Variants in TCF25 observed in about 807,000 individuals in gnomAD.
The protein encoded by TCF25 is TCF25 ribosome quality control complex subunit, also known as ribosome quality control complex subunit TCF25.
In TCF25, 41 loss-of-function variants were observed where a neutral mutation model predicts 83.1. The ratio of observed to expected loss-of-function variants is 0.49; its 90% confidence interval spans 0.38 to 0.64. The LOEUF is 0.64. Ranked by LOEUF, TCF25 falls within the 30% of genes least tolerant of loss-of-function variation. The pLI, the probability that TCF25 is intolerant of heterozygous loss-of-function variation, is 0.00. For missense variants in TCF25, 979 were observed against 914.5 expected (o/e 1.07, Z -0.91); for synonymous variants, 458 against 365.0 (o/e 1.25, Z -2.90).
chr16:89,910,583 T>A lies in TCF25; in HGVS notation c.1800-8T>A, dbSNP rs1259847352. The A allele has an allele frequency of 2.6e-5, 42 of 1,613,534 alleles. No individual in the cohort carries two copies. The highest frequency in any genetic ancestry group is 3.4e-5 in the Non-Finnish European group (40 of 1,179,906). On this transcript the variant is annotated splice_region_variant and splice_polypyrimidine_tract_variant and intron_variant, in intron 16 of 17. Coordinates refer to ENST00000263346, the MANE Select transcript of TCF25 (RefSeq NM_014972.3). ...TGTCGTTTCTGACTTTTCTTGACTT[T>A]CTTTCAGGCTAAGTCCTATCAGCCA...
chr16:89,910,178 C>T, intron 16 of TCF25: 2 of 198,444 alleles, frequency 1.0e-5, no homozygotes, highest in South Asian at 1.8e-4. Flanking sequence ...GGGCCGGTAG[C>T]CCTTCGCACC....
At chr16:89,907,365 C>A in intron 16 of TCF25, 43 bp downstream of exon 16, 4 of 1,326,076 alleles carry the variant, frequency 3.0e-6, no homozygotes, top group East Asian at 5.1e-5. Flanking sequence ...CTCCCACCTC[C>A]CTCCTCCCAG....
Position 89,911,224 on chromosome 16 carries a change from G to A in TCF25, c.2017G>A (p.Gly673Arg). 1 of 1,612,456 alleles carries A rather than the reference G, an allele frequency of 6.2e-7. No homozygotes were observed. The highest frequency in any genetic ancestry group is 1.1e-5 in the South Asian group (1 of 91,052). ...GCACGAGGACGACGCTGAGGGGGAG[G>A]GGGAGTGGGACTGAGCGTCCGCAGA... The part of the protein sequence containing the change: ...APHEDDAEGE[G>R]EWD Residue 673 changes from glycine (G) to arginine (R), a missense_variant, in exon 18 of 18, where the codon GGG becomes AGG. Transcript: ENST00000263346.
rs775603598 is a variant in TCF25 at position 89,904,882 on chromosome 16, C to T, written c.1470-56C>T. The T allele has an allele frequency of 3.8e-6, 6 of 1,562,080 alleles. No homozygotes were observed. The East Asian group carries it at 7.1e-5, about 19-fold the overall frequency. On this transcript the variant is annotated intron_variant, in intron 13 of 17. Coordinates refer to ENST00000263346, the MANE Select transcript of TCF25 (RefSeq NM_014972.3). ...CCCATCCATGGGGCTCTGCCAGCCT[C>T]GAGGCAGGCTGTGGTCTGAAGAGGG...
chr16:89,906,040 C>T, intron 14 of TCF25, 154 bp from the exon 15 acceptor site: 1 of 675,128 alleles, frequency 1.5e-6, no homozygotes, highest in Non-Finnish European at 2.5e-6. Context: ...AGCCATGGTG[C>T]CTCTGCTCGA....
intron 2 of TCF25, among the ~76,000 whole-genome samples, chr16:89,884,360 G>A (rs1409888038): frequency 2.0e-5 from 3 of 152,168 alleles, no homozygotes; most frequent in African/African-American, 7.2e-5. Flanking sequence ...CTGTGAGGCT[G>A]GACACAGAAG....
In TCF25 at chr16:89,891,718, G is replaced by A. The variant is rs149355514; in HGVS notation, c.615-475G>A. Among the ~76,000 whole-genome samples the A allele has an allele frequency of 2.9e-3, 443 of 152,310 alleles. 1 individual carries two copies. The highest frequency in any genetic ancestry group is 0.01 in the African/African-American group (421 of 41,552). ...TTGAGTGATGGGCATGTGGATATTAGTACGTTGTTCTCTTTCTTTTCGTTT... is the reference window on the plus strand; with the variant it reads ...TTGAGTGATGGGCATGTGGATATTAATACGTTGTTCTCTTTCTTTTCGTTT... On this transcript the variant is annotated intron_variant, in intron 5 of 17. Transcript: ENST00000263346.
intron 6 of TCF25, 29 bp from the exon 7 acceptor site, chr16:89,893,699 C>T (rs767531757): frequency 1.2e-5 from 20 of 1,613,082 alleles, no homozygotes; most frequent in Non-Finnish European, 1.7e-5. Flanking sequence ...GCTCCCGGCA[C>T]ACCCTCCCTG....
rs765043795 is a variant in TCF25 at position 89,892,249 on chromosome 16, G to A, written c.671G>A (p.Ser224Asn). 1.1e-5 allele frequency: 18 copies of A among 1,612,782 alleles called. No individual in the cohort carries two copies. The Admixed American group carries it at 2.2e-4, about 19-fold the overall frequency. ...TGCACATGGCTGACCACCCCTAAAA[G>A]CACCTGGCCCCGCTACAGCAAACCA... ...PKCTWLTTPK[S>N]TWPRYSKPGL... Residue 224 changes from serine to asparagine, a missense_variant, in exon 6 of 18, where the codon AGC becomes AAC. Ser to Asn is a conservative substitution (Grantham distance 46). Transcript: ENST00000263346.
At position 89,892,415 on chromosome 16, in the gene TCF25, G is replaced by T. The variant is rs926191258; in HGVS notation, c.697+140G>T. The T allele has an allele frequency of 4.2e-6, 4 of 959,926 alleles. No homozygotes were observed. The African/African-American group carries it at 4.9e-5, about 12-fold the overall frequency. 59.5% of individuals were successfully genotyped at this position (959,926 alleles called of 1,614,324 possible). A position where few individuals can be genotyped will look rare whatever the true frequency, so the allele number is the denominator to read the frequency against. The stretch of plus-strand genomic sequence containing the variant: ...GCGGGGGGGTGTGTTCTGTGCACTG[G>T]CCTGCGCTGGGCACCAGGGGCGTCA... On this transcript the variant is annotated intron_variant, in intron 6 of 17. Transcript: ENST00000263346.
At chr16:89,898,330 G>A (rs2044033222) in intron 9 of TCF25, among the ~76,000 whole-genome samples, 1 of 149,942 alleles carries the variant, frequency 6.7e-6, no homozygotes. Context: ...GCTGACTGGG[G>A]CGCTGAGCAG....
At chr16:89,896,300 C>T (rs1369798746) in intron 9 of TCF25, among the ~76,000 whole-genome samples, 1 of 152,168 alleles carries the variant, frequency 6.6e-6, no homozygotes, top group Non-Finnish European at 1.5e-5. Flanking sequence ...CCTGATGCTA[C>T]TGTGGAGGTC....
intron 5 of TCF25, chr16:89,890,599 G>C (rs974115406): frequency 2.6e-5 from 4 of 151,968 alleles, no homozygotes; most frequent in African/African-American, 9.7e-5. Flanking sequence ...GGGTTTCTTC[G>C]GGAATATTAA....
Position 89,892,178 on chromosome 16 carries a change from T to A in TCF25, c.615-15T>A, listed in dbSNP as rs2043482900. On this transcript the variant is annotated splice_polypyrimidine_tract_variant and intron_variant, in intron 5 of 17. Coordinates refer to ENST00000263346, the MANE Select transcript of TCF25 (RefSeq NM_014972.3). Reference sequence around the variant, plus strand: ...CACAGGAAGTAAAGCTGTACCTGTGTCCCGTTCTCCCCAGGCCACGGCAGA... The same window carrying A: ...CACAGGAAGTAAAGCTGTACCTGTGACCCGTTCTCCCCAGGCCACGGCAGA... The A allele has an allele frequency of 6.3e-7, 1 of 1,596,368 alleles. No homozygotes were observed. The highest frequency in any genetic ancestry group is 8.5e-7 in the Non-Finnish European group (1 of 1,171,664).
chr16:89,889,211 A>AT (rs2043243440), intron 5 of TCF25: 1 of 394,172 alleles, frequency 2.5e-6, no homozygotes, highest in South Asian at 1.9e-5. Context: ...ATTTATTTTT[A>AT]TTTTTTTATT....
At chr16:89,874,069 G>A (rs1260648892) in intron 1 of TCF25, among the ~76,000 whole-genome samples, 1 of 148,382 alleles carries the variant, frequency 6.7e-6, no homozygotes, top group Non-Finnish European at 1.5e-5. Flanking sequence ...GCGGGCCGCG[G>A]AGTTAGACTG....
At chr16:89,896,645 C>T (rs2043877904) in intron 9 of TCF25, among the ~76,000 whole-genome samples, 1 of 151,652 alleles carries the variant, frequency 6.6e-6, no homozygotes, top group African/African-American at 2.4e-5. Flanking sequence ...GCTCCACCTC[C>T]CGGGTTCAAG....
In TCF25 at chr16:89,900,623, C is replaced by A; in HGVS notation, c.1222-12C>A. Reference sequence around the variant, plus strand: ...CTTAAGGCTCCACGCTCTGTTTCTTCGTCCCTCGTAGGCTCATCGGAACCT... The same window carrying A: ...CTTAAGGCTCCACGCTCTGTTTCTTAGTCCCTCGTAGGCTCATCGGAACCT... On this transcript the variant is annotated splice_polypyrimidine_tract_variant and intron_variant, in intron 11 of 17. Coordinates refer to ENST00000263346, the MANE Select transcript of TCF25 (RefSeq NM_014972.3). 6.4e-7 allele frequency: 1 copy of A among 1,566,956 alleles called. No homozygotes were observed. The highest frequency in any genetic ancestry group is 1.1e-5 in the South Asian group (1 of 88,780).
At chr16:89,900,260 A>G (rs76885005) in intron 11 of TCF25, among the ~76,000 whole-genome samples, 11,423 of 152,028 alleles carry the variant, frequency 0.075, 639 homozygotes, top group East Asian at 0.26. Context: ...CTCGCGCGGC[A>G]GTGGGCTGCT....
Sources: allele counts gnomAD v4.1 joint callset (sites outside exome capture counted in the v4.1 genomes callset), GRCh38; gene constraint gnomAD v4.1.1; transcripts MANE v1.5; gene names NCBI Gene and HGNC (gene_info 2026-07-23, HGNC 2026-07-21).